Variants in RMDN2 observed in about 807,000 individuals in gnomAD.
RMDN2 encodes regulator of microtubule dynamics 2, also known as regulator of microtubule dynamics protein 2.
In RMDN2, 61 loss-of-function variants were observed where a neutral mutation model predicts 52.8. The ratio of observed to expected loss-of-function variants is 1.16; its 90% CI spans 0.94 to 1.43. RMDN2 has a LOEUF of 1.43. Among genes scored for constraint, RMDN2 ranks in the 40% most tolerant of loss-of-function variants. The probability of loss-of-function intolerance (pLI) is 0.00; values close to 1 mark genes in which losing one functional copy is unlikely to be tolerated. For missense variants in RMDN2, 592 were observed against 475.3 expected (o/e 1.25, Z -2.28); for synonymous variants, 180 against 153.1 (o/e 1.18, Z -1.30).
At chr2:38,066,250 T>C (rs1012047892) in intron 10 of RMDN2, among the ~76,000 whole-genome samples, 2 of 152,208 alleles carry the variant, frequency 1.3e-5, no homozygotes, top group Non-Finnish European at 2.9e-5. Context: ...TCCCTCCATA[T>C]CTGACACATG....
At chr2:37,957,345 A>G (rs1429823420) in intron 2 of RMDN2, among the ~76,000 whole-genome samples, 1 of 152,196 alleles carries the variant, frequency 6.6e-6, no homozygotes, top group African/African-American at 2.4e-5. Flanking sequence ...AATTATTGCC[A>G]TTCTAACTGG....
Position 38,017,392 on chromosome 2 carries a change from T to C in RMDN2, c.*153T>C. ...GTTTCTGCAGAATGCATTCCACTAG[T>C]AGCACTACAAAATTAATTATGTTAT... is the stretch of plus-strand genomic sequence containing the variant. On this transcript the variant is annotated 3_prime_UTR_variant, in exon 11 of 11. Transcript: ENST00000354545. 7.3e-7 allele frequency: 1 copy of C among 1,370,174 alleles called. No homozygotes were observed. Among genetic ancestry groups the C allele is most frequent in the Non-Finnish European group, 9.5e-7 (1 of 1,051,136 alleles). 84.9% of individuals were successfully genotyped at this position (1,370,174 alleles called of 1,614,324 possible).
chr2:37,950,632 G>C, intron 2 of RMDN2: 1 of 1,605,100 alleles, frequency 6.2e-7, no homozygotes, highest in South Asian at 1.1e-5. Context: ...TGTGCTAAAA[G>C]AACATTGAAA....
intron 5 of RMDN2, 123 bp downstream of exon 5, chr2:37,981,466 T>C (rs996476591): frequency 4.6e-6 from 3 of 655,654 alleles, no homozygotes; most frequent in Admixed American, 2.6e-5. Flanking sequence ...CTGAAAAATA[T>C]GTATAATAGC....
intron 2 of RMDN2, among the ~76,000 whole-genome samples, chr2:37,932,591 C>T (rs1296368160): frequency 2.6e-5 from 4 of 151,748 alleles, no homozygotes; most frequent in African/African-American, 4.8e-5. Context: ...ACCTCCCAGA[C>T]GGGGTGGTGG....
chr2:37,959,647 C>A (rs1225385872), intron 2 of RMDN2, among the ~76,000 whole-genome samples: 1 of 150,822 alleles, frequency 6.6e-6, no homozygotes, highest in Non-Finnish European at 1.5e-5. Context: ...GTCTCTATCC[C>A]CTTCAGTTCT....
In RMDN2 at chr2:37,950,506, T is replaced by C. The variant is rs192917619; in HGVS notation, c.452+20777T>C. 1.7e-4 allele frequency: 269 copies of C among 1,612,716 alleles called. 1 individual carries two copies. The East Asian group carries it at 5.9e-3, about 35-fold the overall frequency. ...TCAGTCTTCTGACCTGTTCCACCTC[T>C]ACAGGGCATTTTATGGCTTAAGGAT... On this transcript the variant is annotated intron_variant, in intron 2 of 10. Transcript: ENST00000354545.
intron 2 of RMDN2, among the ~76,000 whole-genome samples, chr2:37,940,952 CCTTTGGATGAGAAGAGTCATT>C (rs1272728285): frequency 4.3e-4 from 66 of 152,310 alleles, no homozygotes; most frequent in Non-Finnish European, 8.4e-4. Flanking sequence ...GAGTTGCGAT[CCTTTGGATGAGAAGAGTCATT>C]CTGGTTTTTG....
intron 10 of RMDN2, among the ~76,000 whole-genome samples, chr2:38,024,678 T>C (rs571132940): frequency 6.6e-6 from 1 of 152,278 alleles, no homozygotes; most frequent in East Asian, 1.9e-4. Flanking sequence ...TTATTTGTTA[T>C]AAGTTATTTG....
chr2:37,951,609 C>G (rs890818261), intron 2 of RMDN2: 11 of 1,613,256 alleles, frequency 6.8e-6, no homozygotes, highest in African/African-American at 1.3e-5. Context: ...ATCCCGTAAA[C>G]TAAGTATAGT....
chr2:37,997,634 G>C (rs1405943154), intron 8 of RMDN2, 120 bp downstream of exon 8: 1 of 704,106 alleles, frequency 1.4e-6, no homozygotes, highest in Non-Finnish European at 2.5e-6. Flanking sequence ...CCTGGTTTTG[G>C]CATGTTCTGT....
rs115863494 is a variant in RMDN2 at position 37,964,577 on chromosome 2, T to G, written c.453-9463T>G. ...ATAATTTCTATGTTTGTAAATTAAC[T>G]AAGACTTATTTCGTGGCCTAATATA... On this transcript the variant is annotated intron_variant, in intron 2 of 10. Coordinates refer to ENST00000354545, the MANE Select transcript of RMDN2 (RefSeq NM_001170791.3). 2.9e-3 allele frequency among the ~76,000 whole-genome samples: 435 copies of G among 152,344 alleles called. 1 individual carries two copies. Among genetic ancestry groups the G allele is most frequent in the African/African-American group, 9.7e-3 (404 of 41,588 alleles).
At chr2:37,991,099 A>G in intron 6 of RMDN2, 121 bp from the exon 7 acceptor site, 1 of 439,612 alleles carries the variant, frequency 2.3e-6, no homozygotes, top group Non-Finnish European at 4.2e-6. Flanking sequence ...TATTAATGAT[A>G]GGGATGGGGA....
In RMDN2 at chr2:37,956,791, C is replaced by T. The variant is rs1032945749; in HGVS notation, c.453-17249C>T. Among the ~76,000 whole-genome samples, 69 of 152,038 alleles carry T rather than the reference C, an allele frequency of 4.5e-4. 1 individual carries two copies. The highest frequency in any genetic ancestry group is 3.5e-3 in the Admixed American group (54 of 15,260). ...CATCTATGTTAGGTATTTGTCCTAA[C>T]GCTACCCCTCCCCTTGCTCCCCACC... On this transcript the variant is annotated intron_variant, in intron 2 of 10. Coordinates refer to ENST00000354545, the MANE Select transcript of RMDN2 (RefSeq NM_001170791.3).
intron 10 of RMDN2, among the ~76,000 whole-genome samples, chr2:38,006,250 G>A (rs981497101): frequency 1.5e-4 from 23 of 152,092 alleles, no homozygotes; most frequent in African/African-American, 5.3e-4. Flanking sequence ...AAAGTCATTG[G>A]TAGCTTGATG....
chr2:38,003,739 A>C (rs1306924611), intron 8 of RMDN2, among the ~76,000 whole-genome samples: 1 of 152,164 alleles, frequency 6.6e-6, no homozygotes, highest in Non-Finnish European at 1.5e-5. Context: ...GAAAACCATA[A>C]AGTATCTCAT....
chr2:38,018,871 G>A (rs1458965905), downstream of RMDN2, among the ~76,000 whole-genome samples: 1 of 151,942 alleles, frequency 6.6e-6, no homozygotes, highest in Non-Finnish European at 1.5e-5. Flanking sequence ...CAAATACATG[G>A]GTGCACATGC....
chr2:37,969,038 GTT>G (rs773240893), intron 2 of RMDN2, among the ~76,000 whole-genome samples: 1 of 136,150 alleles, frequency 7.3e-6, no homozygotes, highest in Admixed American at 7.3e-5. Context: ...CCACAGCTGG[GTT>G]TTTTTTTTTT....
chr2:37,929,536 G>A lies in RMDN2; in HGVS notation c.259G>A (p.Glu87Lys), dbSNP rs1198752782. 4 of 1,551,752 alleles carry A rather than the reference G, an allele frequency of 2.6e-6. No homozygotes were observed. The South Asian group carries it at 3.6e-5, about 14-fold the overall frequency. Residue 87 changes from glutamate to lysine, a missense_variant, in exon 2 of 11, where the codon GAA (glutamate) becomes AAA (lysine). Glu to Lys is a moderately conservative substitution (Grantham distance 56). Transcript: ENST00000354545. ...GTTAAACGAATTACTGACAAATATG[G>A]AAGAACTCAAAGAGGAAATCAGATT... ...EKLNELLTNM[E>K]ELKEEIRFLK...
Sources: gnomAD v4.1 joint callset for allele counts (sites outside exome capture counted in the v4.1 genomes callset) on GRCh38, gnomAD v4.1.1 for gene constraint, MANE v1.5 for transcripts, NCBI Gene and HGNC (gene_info 2026-07-23, HGNC 2026-07-21) for gene names.